The following WASHC3 variants were observed in gnomAD, a reference collection of about 807,000 sequenced individuals.
WASHC3 encodes WASH complex subunit CCDC53.
In WASHC3, 24 loss-of-function variants were observed where a neutral mutation model predicts 26.1. The ratio of observed to expected loss-of-function variants is 0.92; its 90% confidence interval spans 0.66 to 1.29. WASHC3 has a LOEUF of 1.29. Among genes scored for constraint, WASHC3 ranks in the 50% most tolerant of loss-of-function variants. WASHC3 has a pLI of 0.00. For synonymous variants in WASHC3, 77 were observed against 75.7 expected (o/e 1.02, Z -0.09); for missense variants, 214 against 229.6 (o/e 0.93, Z 0.44).
intron 2 of WASHC3, among the ~76,000 whole-genome samples, chr12:102,048,054 A>G (rs934409189): frequency 5.9e-5 from 9 of 152,314 alleles, no homozygotes; most frequent in South Asian, 4.1e-4. Flanking sequence ...ATTCTTGGGT[A>G]TTGCACAGAA....
intron 5 of WASHC3, among the ~76,000 whole-genome samples, chr12:102,033,666 A>C (rs776200103): frequency 6.6e-6 from 1 of 152,072 alleles, no homozygotes; most frequent in South Asian, 2.1e-4. Flanking sequence ...GGTTATTCTT[A>C]AGATCTTAGG....
intron 2 of WASHC3, among the ~76,000 whole-genome samples, chr12:102,055,753 T>G (rs1405652413): frequency 6.6e-6 from 1 of 152,220 alleles, no homozygotes; most frequent in African/African-American, 2.4e-5. Flanking sequence ...CTGGGGTGAA[T>G]TTTTAGATGG....
intron 5 of WASHC3, among the ~76,000 whole-genome samples, chr12:102,037,987 G>T (rs201110353): frequency 6.6e-6 from 1 of 151,986 alleles, no homozygotes; most frequent in Non-Finnish European, 1.5e-5. Context: ...TAGAGACAAG[G>T]TTTCTCCATG....
intron 6 of WASHC3, among the ~76,000 whole-genome samples, chr12:102,016,853 A>C (rs1262580703): frequency 2.6e-5 from 4 of 152,246 alleles, no homozygotes; most frequent in Non-Finnish European, 4.4e-5. Flanking sequence ...GTAGTATTAC[A>C]AAATAGTTAA....
At chr12:102,045,008 G>C (rs748443206) in intron 3 of WASHC3, among the ~76,000 whole-genome samples, 2 of 151,932 alleles carry the variant, frequency 1.3e-5, no homozygotes, top group Non-Finnish European at 2.9e-5. Context: ...TTTAATGTGC[G>C]ACCTTGGACT....
intron 6 of WASHC3, among the ~76,000 whole-genome samples, chr12:102,016,560 T>TA (rs1361781848): frequency 7.2e-5 from 11 of 152,306 alleles, no homozygotes; most frequent in African/African-American, 2.6e-4. Flanking sequence ...AAGTTAACGT[T>TA]AAACAGCCTC....
chr12:102,050,711 C>T (rs1239772868), intron 2 of WASHC3: 4 of 395,952 alleles, frequency 1.0e-5, no homozygotes, highest in Admixed American at 6.0e-5. Flanking sequence ...ACATTTGGCA[C>T]TCCTGTTTAT....
Position 102,030,320 on chromosome 12 carries a change from T to A in WASHC3, c.436-4282A>T, listed in dbSNP as rs1877383876. On this transcript the variant is annotated intron_variant, in intron 5 of 6. Coordinates refer to ENST00000240079, the MANE Select transcript of WASHC3 (RefSeq NM_016053.4). ...CAAAAAAAAAAAAAAAAAATTATTG[T>A]ATTTTATGAAATAAATTAGTAGGAT... is the stretch of plus-strand genomic sequence containing the variant. Among the ~76,000 whole-genome samples, 5 of 150,948 alleles carry A rather than the reference T, an allele frequency of 3.3e-5. No individual in the cohort carries two copies. In the South Asian group the frequency reaches 1.0e-3, roughly 32 times the overall value.
chr12:102,019,389 T>C (rs1437561990), intron 6 of WASHC3: 1 of 385,466 alleles, frequency 2.6e-6, no homozygotes, highest in Non-Finnish European at 5.1e-6. Context: ...TTGTTTTTCA[T>C]GGAAAGAAAT....
At chr12:102,060,010 ATAAT>A (rs1236253950) in intron 2 of WASHC3, among the ~76,000 whole-genome samples, 25 of 152,378 alleles carry the variant, frequency 1.6e-4, no homozygotes, top group Admixed American at 8.5e-4. Flanking sequence ...AGAAATGTTG[ATAAT>A]TAGACAAAAC....
intron 2 of WASHC3, among the ~76,000 whole-genome samples, chr12:102,054,484 C>A (rs1169771622): frequency 6.6e-6 from 1 of 152,158 alleles, no homozygotes; most frequent in East Asian, 1.9e-4. Context: ...TTGAGACTAG[C>A]CTGGGCAACA....
rs556924404 is a variant in WASHC3, at chr12:102,061,896, A to G, written c.51+16T>C. ...CCTCCCGGCTCGTCGGGAGTCTAGC[A>G]CCGTCTTTTACAAACCTTGGTCAGG... On this transcript the variant is annotated intron_variant, in intron 1 of 6. Transcript: ENST00000240079. 38 of 1,591,004 alleles carry G rather than the reference A, an allele frequency of 2.4e-5. 2 individuals carry two copies. In the South Asian group the frequency reaches 4.0e-4, roughly 17 times the overall value.
intron 5 of WASHC3, among the ~76,000 whole-genome samples, chr12:102,039,133 T>C (rs1224135272): frequency 1.4e-5 from 2 of 146,198 alleles, no homozygotes; most frequent in African/African-American, 5.0e-5. Context: ...GTTAGGTTTT[T>C]TTTTTTTTTT....
intron 3 of WASHC3, among the ~76,000 whole-genome samples, chr12:102,045,003 T>C (rs1211534632): frequency 6.6e-6 from 1 of 152,174 alleles, no homozygotes; most frequent in Non-Finnish European, 1.5e-5. Context: ...GGTCATTTAA[T>C]GTGCGACCTT....
At chr12:102,019,420 G>C in intron 6 of WASHC3, 1 of 359,142 alleles carries the variant, frequency 2.8e-6, no homozygotes, top group Non-Finnish European at 5.5e-6. Context: ...ATTTGAAAAA[G>C]TTGCTACCTT....
chr12:102,036,224 G>A (rs1446310702), intron 5 of WASHC3, among the ~76,000 whole-genome samples: 1 of 152,020 alleles, frequency 6.6e-6, no homozygotes, highest in Non-Finnish European at 1.5e-5. Flanking sequence ...GCTGGGTGTG[G>A]TGGCGGGCAC....
chr12:102,043,415 C>T (rs373830258), intron 4 of WASHC3, among the ~76,000 whole-genome samples: 27 of 152,042 alleles, frequency 1.8e-4, no homozygotes, highest in African/African-American at 5.1e-4. Flanking sequence ...ACCACAGGTG[C>T]GTGCCACCAC....
intron 6 of WASHC3, among the ~76,000 whole-genome samples, chr12:102,022,737 T>A (rs1877011015): frequency 1.3e-5 from 2 of 152,226 alleles, no homozygotes; most frequent in Non-Finnish European, 2.9e-5. Flanking sequence ...TAATGTTAGT[T>A]CAGGGACATA....
intron 2 of WASHC3, chr12:102,050,188 C>T: frequency 2.6e-6 from 1 of 381,450 alleles, no homozygotes. Flanking sequence ...GTGGCACGCA[C>T]CTGTAGTTCC....
Sources: allele counts gnomAD v4.1 joint callset (sites outside exome capture counted in the v4.1 genomes callset), GRCh38; gene constraint gnomAD v4.1.1; transcripts MANE v1.5; gene names NCBI Gene and HGNC (gene_info 2026-07-23, HGNC 2026-07-21).